The following LARGE1 variants were observed in gnomAD, a reference collection of about 807,000 sequenced individuals.
LARGE1 encodes the protein xylosyl- and glucuronyltransferase LARGE1.
In LARGE1, 43 loss-of-function variants were observed where a neutral mutation model predicts 87.6. The observed-to-expected ratio is 0.49, with a 90% CI of 0.38 to 0.63. The LOEUF (loss-of-function observed/expected upper bound fraction) is 0.63. LARGE1 is among the 30% of genes least tolerant of loss of function. The pLI is 0.00. For missense variants in LARGE1, 802 were observed against 1,000.2 expected, an observed-to-expected ratio of 0.80 and a Z score of 2.67; for synonymous variants, 434 against 394.6, an observed-to-expected ratio of 1.10 and a Z score of -1.18.
At chr22:33,555,707 T>A (rs1469598304) in intron 6 of LARGE1, among the ~76,000 whole-genome samples, 3 of 151,988 alleles carry the variant, frequency 2.0e-5, no homozygotes, top group Non-Finnish European at 4.4e-5. Flanking sequence ...GACAGGAGGA[T>A]CCACTGAGGT....
At chr22:33,252,714 C>G (rs1254765052) in intron 11 of LARGE1, among the ~76,000 whole-genome samples, 1 of 152,172 alleles carries the variant, frequency 6.6e-6, no homozygotes, top group East Asian at 1.9e-4. Flanking sequence ...TTGTCAGCCT[C>G]TGCTCTTCCA....
At chr22:33,454,206 G>T (rs1237962189) in intron 6 of LARGE1, among the ~76,000 whole-genome samples, 4 of 152,180 alleles carry the variant, frequency 2.6e-5, no homozygotes, top group Admixed American at 2.0e-4. Flanking sequence ...GGGGGTGCAC[G>T]TACCATAAAC....
chr22:33,517,800 C>T (rs763906297), intron 6 of LARGE1, among the ~76,000 whole-genome samples: 16 of 152,200 alleles, frequency 1.1e-4, no homozygotes, highest in Non-Finnish European at 5.9e-5. Context: ...AATGCATGGC[C>T]TCAGTCCTGC....
intron 6 of LARGE1, among the ~76,000 whole-genome samples, chr22:33,432,594 T>C (rs5994744): frequency 2.2e-4 from 31 of 142,786 alleles, no homozygotes; most frequent in African/African-American, 8.9e-4. Flanking sequence ...CATTCATTCA[T>C]TCATGCATGC....
At chr22:33,725,712 AT>A (rs2083250831) in intron 2 of LARGE1, 1 of 152,226 alleles carries the variant, frequency 6.6e-6, no homozygotes, top group African/African-American at 2.4e-5. Context: ...TCAGGCTTAC[AT>A]TTTCCACTTG....
chr22:33,626,781 G>A (rs1383544698), intron 3 of LARGE1, among the ~76,000 whole-genome samples: 1 of 152,200 alleles, frequency 6.6e-6, no homozygotes, highest in African/African-American at 2.4e-5. Context: ...TAATAAAAGG[G>A]CCAAAGGGGA....
intron 6 of LARGE1, among the ~76,000 whole-genome samples, chr22:33,465,431 A>AT (rs2068565951): frequency 6.6e-6 from 1 of 152,202 alleles, no homozygotes. Context: ...ATTACTCTTT[A>AT]AACAGAATGT....
chr22:33,289,283 T>A (rs963944667), intron 12 of LARGE1, among the ~76,000 whole-genome samples: 1 of 152,042 alleles, frequency 6.6e-6, no homozygotes, highest in Non-Finnish European at 1.5e-5. Flanking sequence ...TAAAACAATA[T>A]AAATAACTCA....
chr22:33,384,187 C>A lies in LARGE1; in HGVS notation c.1005+5G>T, dbSNP rs1204892970. 6.2e-7 allele frequency: 1 copy of A among 1,607,236 alleles called. No individual in the cohort carries two copies. The highest frequency in any genetic ancestry group is 1.3e-5 in the African/African-American group (1 of 74,786). ...ATAGCTGCACCTTCGAACCTGGCCA[C>A]TCACCTGGTCAGCTAAGGATGTAGA... On this transcript the variant is annotated splice_donor_5th_base_variant and intron_variant, in intron 8 of 14. Coordinates refer to ENST00000397394, the MANE Select transcript of LARGE1 (RefSeq NM_133642.5).
At chr22:33,728,780 G>A (rs2083361534) in intron 2 of LARGE1, among the ~76,000 whole-genome samples, 1 of 152,150 alleles carries the variant, frequency 6.6e-6, no homozygotes, top group African/African-American at 2.4e-5. Context: ...CCATGAGGTA[G>A]ACACTCAATA....
chr22:33,402,981 A>T (rs1246813870), intron 7 of LARGE1, among the ~76,000 whole-genome samples: 2 of 152,164 alleles, frequency 1.3e-5, no homozygotes, highest in Non-Finnish European at 2.9e-5. Flanking sequence ...TCCAAAATCC[A>T]TGCGTTTTCT....
intron 11 of LARGE1, among the ~76,000 whole-genome samples, chr22:33,229,791 G>C (rs1270893370): frequency 1.3e-5 from 2 of 152,010 alleles, no homozygotes; most frequent in Non-Finnish European, 2.9e-5. Flanking sequence ...AAGGTACATT[G>C]AGTCCTGAGA....
At chr22:33,569,733 G>C (rs1425728892) in intron 5 of LARGE1, among the ~76,000 whole-genome samples, 1 of 152,030 alleles carries the variant, frequency 6.6e-6, no homozygotes, top group Non-Finnish European at 1.5e-5. Context: ...GCCCCAGGCT[G>C]GATTAGGGGC....
At chr22:33,291,150 A>G (rs1932480014) in intron 12 of LARGE1, among the ~76,000 whole-genome samples, 1 of 152,194 alleles carries the variant, frequency 6.6e-6, no homozygotes, top group South Asian at 2.1e-4. Context: ...AACGCTGGCC[A>G]ATTTAGTTTC....
intron 2 of LARGE1, among the ~76,000 whole-genome samples, chr22:33,704,515 AC>A (rs2082502998): frequency 6.6e-6 from 1 of 152,060 alleles, no homozygotes; most frequent in Admixed American, 6.6e-5. Flanking sequence ...TCTGGGCAGT[AC>A]CCTCATCTGC....
chr22:33,829,006 CTTTTTTTTTTTTTT>C (rs776583343), intron 1 of LARGE1, among the ~76,000 whole-genome samples: 1 of 94,800 alleles, frequency 1.1e-5, no homozygotes, highest in African/African-American at 3.7e-5. Flanking sequence ...GTCTCTTTTT[CTTTTTTTTTTTTTT>C]TTTTTTTTGA....
chr22:33,451,762 T>C (rs902079682), intron 6 of LARGE1, among the ~76,000 whole-genome samples: 1 of 152,142 alleles, frequency 6.6e-6, no homozygotes, highest in African/African-American at 2.4e-5. Flanking sequence ...TTTCACCATG[T>C]TGGGCAGGAT....
At chr22:33,083,721 G>A in the LARGE1 span, among the ~76,000 whole-genome samples, 5 of 152,166 alleles carry the variant, frequency 3.3e-5, no homozygotes, top group African/African-American at 4.8e-5. Flanking sequence ...CTAGTGACAC[G>A]AAACCAGCTG....
chr22:33,414,983 T>C lies in LARGE1; in HGVS notation c.892+17178A>G, dbSNP rs552301417. On this transcript the variant is annotated intron_variant, in intron 7 of 14. Transcript: ENST00000397394. Reference sequence around the variant, plus strand: ...TTATGTTGTTTATAAGCCACCTGGTTAATGTTATTTTGTTATAGCAGCCAG... The same window carrying C: ...TTATGTTGTTTATAAGCCACCTGGTCAATGTTATTTTGTTATAGCAGCCAG... Among the ~76,000 whole-genome samples the C allele has an allele frequency of 2.0e-4, 30 of 152,364 alleles. 2 individuals are homozygous for C. In the South Asian group the frequency reaches 6.0e-3, roughly 31 times the overall value.
Sources: gnomAD v4.1 joint callset for allele counts (sites outside exome capture counted in the v4.1 genomes callset) on GRCh38, gnomAD v4.1.1 for gene constraint, MANE v1.5 for transcripts, NCBI Gene and HGNC (gene_info 2026-07-23, HGNC 2026-07-21) for gene names.